Variants in CRISPLD1 observed in about 807,000 individuals in gnomAD.
CRISPLD1 encodes the protein cysteine-rich secretory protein LCCL domain-containing 1.
Under a neutral mutation model 77.5 loss-of-function variants are expected in CRISPLD1, and 60 were observed. That is an observed-to-expected ratio of 0.77 (90% CI 0.63 to 0.96). The LOEUF (loss-of-function observed/expected upper bound fraction) is 0.96, where lower values mean the gene tolerates loss of function less well. Ranked by LOEUF, CRISPLD1 falls within the 40% of genes least tolerant of loss-of-function variation. The pLI, the probability that CRISPLD1 is intolerant of heterozygous loss-of-function variation, is 0.00. For synonymous variants in CRISPLD1, 195 were observed against 200.1 expected (o/e 0.97, Z 0.22); for missense variants, 623 against 615.8 (o/e 1.01, Z -0.12).
chr8:75,008,459 C>T (rs552481679), intron 2 of CRISPLD1, among the ~76,000 whole-genome samples: 1 of 152,220 alleles, frequency 6.6e-6, no homozygotes, highest in South Asian at 2.1e-4. Context: ...TATGTTGTAG[C>T]TTTAACAAAT....
Position 75,012,936 on chromosome 8 carries a change from A to G in CRISPLD1, c.424A>G (p.Lys142Glu), listed in dbSNP as rs1176966253. The G allele has an allele frequency of 6.2e-7, 1 of 1,612,984 alleles. No individual in the cohort carries two copies. Among genetic ancestry groups the G allele is most frequent in the East Asian group, 2.2e-5 (1 of 44,836 alleles). Residue 142 changes from lysine (K) to glutamate (E), a missense_variant, in exon 4 of 15, where the codon AAA (lysine) becomes GAA (glutamate). By Grantham distance (56) the Lys-to-Glu change is moderately conservative. Coordinates refer to ENST00000262207, the MANE Select transcript of CRISPLD1 (RefSeq NM_031461.6). ...FHVQSWYDEV[K>E]DFSYPYEHEC... ...TGTACAATCGTGGTATGATGAAGTG[A>G]AAGACTTTAGCTACCCATATGAACA...
At position 75,013,847 on chromosome 8, in the gene CRISPLD1, C is replaced by G. The variant is rs145252610; in HGVS notation, c.511-140C>G. ...TTACTCAAGGTCTCAGGAAAAAGAC[C>G]CTTTTTGATTTGATCTCAGTTCATT... On this transcript the variant is annotated intron_variant, in intron 4 of 14. Transcript: ENST00000262207. 38 of 594,152 alleles carry G rather than the reference C, an allele frequency of 6.4e-5. No homozygotes were observed. The East Asian group carries it at 8.2e-4, about 13-fold the overall frequency. 36.8% of individuals were successfully genotyped at this position (594,152 alleles called of 1,614,324 possible).
Position 75,029,530 on chromosome 8 carries a change from C to T in CRISPLD1, c.1451+13C>T. 1 of 1,608,446 alleles carries T rather than the reference C, an allele frequency of 6.2e-7. No homozygotes were observed. The highest frequency in any genetic ancestry group is 8.5e-7 in the Non-Finnish European group (1 of 1,175,432). ...TCTTCTCAGAAAGGTAAAAACAAAA[C>T]ATATGTATGTATACTTTTAAATACC... is the stretch of plus-strand genomic sequence containing the variant. On this transcript the variant is annotated intron_variant, in intron 14 of 14. Coordinates refer to ENST00000262207, the MANE Select transcript of CRISPLD1 (RefSeq NM_031461.6).
At position 75,033,557 on chromosome 8, in the gene CRISPLD1, GA is replaced by G. The variant is rs1473563688; in HGVS notation, c.*1318del. The G allele has an allele frequency of 3.3e-5, 5 of 151,910 alleles. No homozygotes were observed. Among genetic ancestry groups the G allele is most frequent in the Non-Finnish European group, 2.9e-5 (2 of 67,866 alleles). The allele number at this position is 151,910 out of a possible 1,614,324, so 9.4% of individuals were successfully genotyped here. On this transcript the variant is annotated 3_prime_UTR_variant, in exon 15 of 15. Coordinates refer to ENST00000262207, the MANE Select transcript of CRISPLD1 (RefSeq NM_031461.6). Reference sequence around the variant, plus strand: ...TTATAAAGTAGGAAAAAAAGAATCTGAAAGATACAAAGTGATTATAAAAGAA... The same window carrying G: ...TTATAAAGTAGGAAAAAAAGAATCTGAAGATACAAAGTGATTATAAAAGAA...
rs1168189246 is a variant in CRISPLD1, at chr8:75,019,895, A to G, written c.1153A>G (p.Thr385Ala). ...CAAATATCAGTCTGCTAATTCCTTC[A>G]CAGTCTCTAAAGTAACAGGTTAGCA... ...IGKYQSANSFTVSKVTVQAVT... is the reference protein window; with the variant it reads ...IGKYQSANSFAVSKVTVQAVT... The change falls in exon 11 of 15, where the codon ACA becomes GCA. Residue 385 changes from threonine (T) to alanine (A), a missense_variant. Transcript: ENST00000262207. The G allele has an allele frequency of 1.2e-6, 2 of 1,613,264 alleles. No homozygotes were observed. The highest frequency in any genetic ancestry group is 8.5e-7 in the Non-Finnish European group (1 of 1,179,300).
intron 2 of CRISPLD1, chr8:75,000,233 A>G: frequency 1.0e-6 from 1 of 985,298 alleles, no homozygotes; most frequent in Non-Finnish European, 1.2e-6. Context: ...AGACGTGTCA[A>G]ATCTGTATCT....
In CRISPLD1 at chr8:75,012,933, G is replaced by A; in HGVS notation, c.421G>A (p.Val141Met). ...TCATGTACAATCGTGGTATGATGAA[G>A]TGAAAGACTTTAGCTACCCATATGA... ...TFHVQSWYDEVKDFSYPYEHE... is the reference protein window; with the variant it reads ...TFHVQSWYDEMKDFSYPYEHE... The change falls in exon 4 of 15, where the codon GTG becomes ATG. Residue 141 changes from valine to methionine, a missense_variant. Physicochemically the swap from Val to Met is conservative, Grantham distance 21. Coordinates refer to ENST00000262207, the MANE Select transcript of CRISPLD1 (RefSeq NM_031461.6). The A allele has an allele frequency of 6.2e-7, 1 of 1,612,938 alleles. No homozygotes were observed. The highest frequency in any genetic ancestry group is 8.5e-7 in the Non-Finnish European group (1 of 1,179,326).
At chr8:75,013,885 C>G in intron 4 of CRISPLD1, 102 bp from the exon 5 acceptor site, 3 of 741,710 alleles carry the variant, frequency 4.0e-6, no homozygotes, top group Non-Finnish European at 7.1e-6. Flanking sequence ...GAATGATAAA[C>G]GTTGGCTTCT....
At chr8:75,012,360 C>A in intron 2 of CRISPLD1, 73 bp from the exon 3 acceptor site, 1 of 830,464 alleles carries the variant, frequency 1.2e-6, no homozygotes, top group Non-Finnish European at 2.1e-6. Context: ...AATGTAAGAA[C>A]TGCTCAACAC....
intron 2 of CRISPLD1, among the ~76,000 whole-genome samples, chr8:75,002,177 C>G (rs771310976): frequency 1.8e-4 from 28 of 151,852 alleles, no homozygotes; most frequent in Non-Finnish European, 3.8e-4. Flanking sequence ...ATTATTTACT[C>G]TCTCATTGGA....
chr8:75,008,191 TAG>T (rs1812868171), intron 2 of CRISPLD1, among the ~76,000 whole-genome samples: 8 of 152,154 alleles, frequency 5.3e-5, no homozygotes, highest in Admixed American at 5.2e-4. Flanking sequence ...AGTTGGGAAA[TAG>T]AGTTGTTTTC....
intron 14 of CRISPLD1, among the ~76,000 whole-genome samples, chr8:75,031,210 G>A (rs749613218): frequency 1.3e-5 from 2 of 151,978 alleles, no homozygotes; most frequent in African/African-American, 4.8e-5. Context: ...GTGCGCACTT[G>A]TGATACCCTT....
At chr8:74,989,146 A>G (rs1457103480) in intron 2 of CRISPLD1, among the ~76,000 whole-genome samples, 1 of 152,174 alleles carries the variant, frequency 6.6e-6, no homozygotes. Flanking sequence ...GGTGGCAGGA[A>G]TTGGCAGGCT....
chr8:75,024,071 A>G (rs1813189641), intron 12 of CRISPLD1, among the ~76,000 whole-genome samples: 1 of 152,184 alleles, frequency 6.6e-6, no homozygotes, highest in South Asian at 2.1e-4. Context: ...CCATGCAGAG[A>G]GGAAGATAAA....
In CRISPLD1 at chr8:74,984,880, C is replaced by A. The variant is rs570378855; in HGVS notation, c.-103C>A. The A allele has an allele frequency of 6.6e-6, 1 of 152,206 alleles. No homozygotes were observed. Among genetic ancestry groups the A allele is most frequent in the African/African-American group, 2.4e-5 (1 of 41,398 alleles). The allele number at this position is 152,206 out of a possible 1,614,324, so 9.4% of individuals were successfully genotyped here. A position where few individuals can be genotyped will look rare whatever the true frequency, so the allele number is the denominator to read the frequency against. On this transcript the variant is annotated 5_prime_UTR_variant, in exon 1 of 15. Transcript: ENST00000262207. ...TGGGCGGCTGCAGAGGCCGGCCGTC[C>A]GGTTTGGCTCACCTCTCCCAGGAAA... is the stretch of plus-strand genomic sequence containing the variant.
rs201248593 is a variant in CRISPLD1, at chr8:75,030,901, TATAC to T, written c.1452-1282_1452-1279del. On this transcript the variant is annotated intron_variant, in intron 14 of 14. Coordinates refer to ENST00000262207, the MANE Select transcript of CRISPLD1 (RefSeq NM_031461.6). The stretch of plus-strand genomic sequence containing the variant: ...ACGTATATACACTTCTATATACACA[TATAC>T]ATACATATATATACACATATACATA... 3.5e-4 allele frequency among the ~76,000 whole-genome samples: 54 copies of T among 152,152 alleles called. No individual in the cohort carries two copies. The East Asian group carries it at 9.5e-3, about 27-fold the overall frequency.
intron 13 of CRISPLD1, chr8:75,026,420 G>A (rs1441813782): frequency 6.6e-6 from 1 of 152,192 alleles, no homozygotes; most frequent in Non-Finnish European, 1.5e-5. Context: ...AGTGGGATAA[G>A]TGACATTTAC....
At chr8:75,018,372 A>G (rs576725608) in intron 10 of CRISPLD1, among the ~76,000 whole-genome samples, 3 of 151,948 alleles carry the variant, frequency 2.0e-5, no homozygotes, top group East Asian at 3.9e-4. Context: ...GGTCACTGCA[A>G]CCTCCACCTT....
chr8:75,029,574 G>T, intron 14 of CRISPLD1, 57 bp downstream of exon 14: 1 of 1,540,358 alleles, frequency 6.5e-7, no homozygotes, highest in Non-Finnish European at 8.9e-7. Context: ...CTGTATTCAT[G>T]ATTGCTTTAC....
Sources: allele counts gnomAD v4.1 joint callset (sites outside exome capture counted in the v4.1 genomes callset), GRCh38; gene constraint gnomAD v4.1.1; transcripts MANE v1.5; gene names NCBI Gene and HGNC (gene_info 2026-07-23, HGNC 2026-07-21).